KANK1: variants seen among roughly 807,000 people sequenced by gnomAD.
KANK1 encodes the protein KN motif and ankyrin repeat domains 1.
KANK1 carries 109 observed loss-of-function variants against 106.2 expected under a neutral mutation model. The observed-to-expected ratio is 1.03, with a 90% confidence interval of 0.88 to 1.20. The LOEUF is 1.20. KANK1 is among the 50% of genes most tolerant of loss of function. The pLI, the probability that KANK1 is intolerant of heterozygous loss-of-function variation, is 0.00. For synonymous variants in KANK1, 873 were observed against 652.2 expected (o/e 1.34, Z -5.16); for missense variants, 2,399 against 1,710.7 (o/e 1.40, Z -7.10).
chr9:591,397 C>T (rs1050942644), intron 1 of KANK1, among the ~76,000 whole-genome samples: 10 of 151,800 alleles, frequency 6.6e-5, no homozygotes, highest in Admixed American at 2.6e-4. Context: ...GTGATCACAT[C>T]TTGGCATACC....
chr9:678,183 A>T (rs986861330), intron 2 of KANK1, among the ~76,000 whole-genome samples: 3 of 151,996 alleles, frequency 2.0e-5, no homozygotes, highest in Non-Finnish European at 4.4e-5. Flanking sequence ...TCCATTTTTG[A>T]CCTTTTTTAC....
intron 1 of KANK1, among the ~76,000 whole-genome samples, chr9:665,367 T>C (rs577467206): frequency 7.2e-5 from 11 of 152,312 alleles, no homozygotes; most frequent in Admixed American, 7.2e-4. Flanking sequence ...GAGGTCTAGT[T>C]TCATTCTTCT....
intron 2 of KANK1, among the ~76,000 whole-genome samples, chr9:706,230 A>G (rs1228370795): frequency 6.6e-6 from 1 of 152,210 alleles, no homozygotes; most frequent in African/African-American, 2.4e-5. Flanking sequence ...GTATTAGGAA[A>G]TAAGCAAGCC....
intron 1 of KANK1, among the ~76,000 whole-genome samples, chr9:523,330 G>C (rs965277765): frequency 2.0e-5 from 3 of 151,534 alleles, no homozygotes; most frequent in African/African-American, 7.3e-5. Context: ...TAATTCAGTA[G>C]CAAATCCTGT....
intron 1 of KANK1, among the ~76,000 whole-genome samples, chr9:619,684 C>G (rs1012089835): frequency 5.9e-5 from 9 of 152,154 alleles, no homozygotes; most frequent in African/African-American, 2.2e-4. Context: ...GTTCGTAGAT[C>G]AGCCGTACTG....
intron 1 of KANK1, among the ~76,000 whole-genome samples, chr9:541,940 T>G (rs2060626527): frequency 6.6e-6 from 1 of 150,620 alleles, no homozygotes; most frequent in African/African-American, 2.4e-5. Context: ...ATACAAAAAA[T>G]TAGCCGGGCG....
chr9:730,955 C>T, intron 4 of KANK1: 1 of 372,092 alleles, frequency 2.7e-6, no homozygotes, highest in Non-Finnish European at 4.9e-6. Context: ...TGATTTTTTT[C>T]CCATGTGAAG....
intron 1 of KANK1, among the ~76,000 whole-genome samples, chr9:651,849 A>G (rs1427308543): frequency 6.6e-6 from 1 of 152,234 alleles, no homozygotes; most frequent in Non-Finnish European, 1.5e-5. Context: ...ATAAAATATA[A>G]ATTGCTCTGA....
chr9:684,319 T>C (rs1818133026), intron 2 of KANK1: 2 of 985,276 alleles, frequency 2.0e-6, no homozygotes, highest in South Asian at 9.4e-5. Flanking sequence ...AAATCTGTGC[T>C]CCTGCTCCTG....
chr9:628,708 C>T (rs1231357507), intron 1 of KANK1, among the ~76,000 whole-genome samples: 1 of 152,140 alleles, frequency 6.6e-6, no homozygotes, highest in African/African-American at 2.4e-5. Context: ...AGGCTCTTTG[C>T]CATCCCTTTC....
intron 1 of KANK1, among the ~76,000 whole-genome samples, chr9:632,223 C>G (rs113529478): frequency 8.5e-5 from 13 of 152,098 alleles, no homozygotes; most frequent in Non-Finnish European, 1.8e-4. Flanking sequence ...TGGCAGCCAG[C>G]TTTTCCAGAT....
chr9:524,982 CTTT>C (rs35377139), intron 1 of KANK1, among the ~76,000 whole-genome samples: 4 of 91,980 alleles, frequency 4.3e-5, no homozygotes, highest in East Asian at 3.6e-4. Context: ...CTCTTGCTGC[CTTT>C]TTTTTTTTTT....
At chr9:492,658 T>C (rs1479385560) in intron 3 of KANK1, among the ~76,000 whole-genome samples, 1 of 152,188 alleles carries the variant, frequency 6.6e-6, no homozygotes, top group Non-Finnish European at 1.5e-5. Context: ...TATTGAAATA[T>C]GCATTTAAAT....
chr9:532,237 CT>C (rs34351693), intron 1 of KANK1, among the ~76,000 whole-genome samples: 22,336 of 107,640 alleles, frequency 0.21, 1,722 homozygotes, highest in East Asian at 0.35. Context: ...GAGCATTTGT[CT>C]TTTTTTTTTT....
chr9:620,381 A>G (rs10975439), intron 1 of KANK1, among the ~76,000 whole-genome samples: 53,513 of 152,004 alleles, frequency 0.35, 12,179 homozygotes, highest in South Asian at 0.57. Flanking sequence ...TCTTTGCGAG[A>G]AAAGCAAAAT....
At chr9:571,638 A>G (rs561265125) in intron 1 of KANK1, among the ~76,000 whole-genome samples, 5 of 152,290 alleles carry the variant, frequency 3.3e-5, no homozygotes, top group Non-Finnish European at 7.4e-5. Flanking sequence ...ATTCCCAGGC[A>G]CTTTTTAATC....
rs548717103 is a variant in KANK1 at position 475,521 on chromosome 9, A to C, written c.-362+2248A>C. On this transcript the variant is annotated intron_variant, in intron 3 of 15. Coordinates refer to the KANK1 transcript ENST00000382303. ...AAATTTTCACTCCTGCTTGAGGACT[A>C]AGCTCTGATCTTTTCTTATCTTCCA... 2.6e-5 allele frequency among the ~76,000 whole-genome samples: 4 copies of C among 152,226 alleles called. No individual in the cohort carries two copies. The East Asian group carries it at 5.8e-4, about 22-fold the overall frequency.
chr9:724,440 C>T (rs1397739928), intron 3 of KANK1, among the ~76,000 whole-genome samples: 1 of 152,130 alleles, frequency 6.6e-6, no homozygotes, highest in African/African-American at 2.4e-5. Context: ...CATGTATTTG[C>T]ATTTAAAAAG....
chr9:590,167 A>G (rs924591089), intron 1 of KANK1, among the ~76,000 whole-genome samples: 3 of 152,194 alleles, frequency 2.0e-5, no homozygotes, highest in African/African-American at 7.2e-5. Flanking sequence ...GTTAAGTGCC[A>G]CATGATGATA....
Sources: allele counts gnomAD v4.1 joint callset (sites outside exome capture counted in the v4.1 genomes callset), GRCh38; gene constraint gnomAD v4.1.1; transcripts MANE v1.5; gene names NCBI Gene and HGNC (gene_info 2026-07-23, HGNC 2026-07-21).